GABRB3: variants seen among roughly 807,000 people sequenced by gnomAD.
GABRB3 encodes the protein gamma-aminobutyric acid receptor subunit beta-3.
A neutral mutation model predicts 52.1 loss-of-function variants in GABRB3; 14 were observed. That is an observed-to-expected ratio of 0.27 (90% CI 0.18 to 0.42). The LOEUF is 0.42. Ranked by LOEUF, GABRB3 falls within the 10% of genes least tolerant of loss-of-function variation. The pLI is 1.00. For missense variants in GABRB3, 307 were observed against 609.1 expected (o/e 0.50, Z 5.22); for synonymous variants, 260 against 232.3 (o/e 1.12, Z -1.08).
intron 8 of GABRB3, among the ~76,000 whole-genome samples, chr15:26,558,119 G>C (rs1472735795): frequency 6.6e-6 from 1 of 152,212 alleles, no homozygotes; most frequent in Non-Finnish European, 1.5e-5. Context: ...AGTTTCCTTG[G>C]AAACAGCATG....
intron 4 of GABRB3, among the ~76,000 whole-genome samples, chr15:26,617,034 G>A (rs527832759): frequency 1.2e-4 from 19 of 152,192 alleles, no homozygotes; most frequent in African/African-American, 4.3e-4. Flanking sequence ...AAACCAGGAA[G>A]AAGTTGAATC....
intron 8 of GABRB3, among the ~76,000 whole-genome samples, chr15:26,551,922 T>C (rs1469834180): frequency 2.6e-5 from 4 of 152,078 alleles, no homozygotes; most frequent in African/African-American, 7.2e-5. Flanking sequence ...GGCATTTTCT[T>C]ATATTTTTTA....
At chr15:26,549,786 A>T (rs1485925397) in intron 8 of GABRB3, among the ~76,000 whole-genome samples, 1 of 152,028 alleles carries the variant, frequency 6.6e-6, no homozygotes, top group Non-Finnish European at 1.5e-5. Flanking sequence ...GCATCACCTC[A>T]TTGCAAGATC....
intron 3 of GABRB3, among the ~76,000 whole-genome samples, chr15:26,753,104 A>G (rs1890561271): frequency 6.6e-6 from 1 of 152,108 alleles, no homozygotes; most frequent in Non-Finnish European, 1.5e-5. Flanking sequence ...CTAACTTCTG[A>G]GCTAACTTCT....
chr15:26,676,521 G>C lies in GABRB3; in HGVS notation c.241-54987C>G, dbSNP rs1011768890. ...ACACATATACACACACAGGTGCACAGGGGCAGAACTGCCATTTCTTTATAA... is the reference window on the plus strand; with the variant it reads ...ACACATATACACACACAGGTGCACACGGGCAGAACTGCCATTTCTTTATAA... On this transcript the variant is annotated intron_variant, in intron 3 of 8. Transcript: ENST00000311550. Among the ~76,000 whole-genome samples, 5 of 152,280 alleles carry C rather than the reference G, an allele frequency of 3.3e-5. No individual in the cohort carries two copies. The East Asian group carries it at 9.7e-4, about 30-fold the overall frequency.
At chr15:26,761,476 G>A (rs1028526226) in intron 3 of GABRB3, among the ~76,000 whole-genome samples, 1 of 148,434 alleles carries the variant, frequency 6.7e-6, no homozygotes, top group African/African-American at 2.4e-5. Flanking sequence ...TTCATCACTA[G>A]AATCTTTCAT....
At chr15:26,571,335 CCTCT>C (rs1890386662) in intron 6 of GABRB3, among the ~76,000 whole-genome samples, 1 of 152,264 alleles carries the variant, frequency 6.6e-6, no homozygotes, top group African/African-American at 2.4e-5. Flanking sequence ...CACTTAGCTC[CCTCT>C]GTCTGCAACA....
At position 26,628,075 on chromosome 15, in the gene GABRB3, T is replaced by C. The variant is rs569814151; in HGVS notation, c.241-6541A>G. 5.3e-4 allele frequency among the ~76,000 whole-genome samples: 80 copies of C among 152,358 alleles called. 1 individual carries two copies. The Middle Eastern group carries it at 0.014, about 26-fold the overall frequency. ...ATGACTCACTGAAGGCTCAGATGAT[T>C]GTTAGCACTTTCAGCAATACAGTAT... On this transcript the variant is annotated intron_variant, in intron 3 of 8. Transcript: ENST00000311550.
At chr15:26,587,619 A>T (rs1243610280) in intron 4 of GABRB3, among the ~76,000 whole-genome samples, 1 of 152,058 alleles carries the variant, frequency 6.6e-6, no homozygotes, top group Non-Finnish European at 1.5e-5. Flanking sequence ...CTCTCCAGGG[A>T]GCAGCTTCTC....
intron 3 of GABRB3, among the ~76,000 whole-genome samples, chr15:26,643,259 C>T (rs1863457): frequency 2.6e-5 from 4 of 151,984 alleles, no homozygotes; most frequent in African/African-American, 7.3e-5. Flanking sequence ...CCCATCCTGG[C>T]GGCCAGGTGC....
chr15:26,674,397 T>A (rs12914698), intron 3 of GABRB3, among the ~76,000 whole-genome samples: 88,599 of 118,416 alleles, frequency 0.75, 31,735 homozygotes, highest in Admixed American at 0.82. Flanking sequence ...CGAGACTCAG[T>A]TTCAAAAAAA....
At chr15:26,644,234 C>T (rs1893289067) in intron 3 of GABRB3, among the ~76,000 whole-genome samples, 1 of 152,198 alleles carries the variant, frequency 6.6e-6, no homozygotes, top group African/African-American at 2.4e-5. Context: ...AGTCTTCCTG[C>T]TACATGGAAA....
At chr15:26,575,778 T>C (rs1353957369) in intron 6 of GABRB3, among the ~76,000 whole-genome samples, 9 of 152,238 alleles carry the variant, frequency 5.9e-5, no homozygotes. Context: ...GTCTCATCAT[T>C]ATTCATTTTG....
intron 3 of GABRB3, among the ~76,000 whole-genome samples, chr15:26,696,611 G>T (rs1028623464): frequency 2.0e-5 from 3 of 152,122 alleles, no homozygotes; most frequent in Non-Finnish European, 4.4e-5. Context: ...CTTGACACTG[G>T]ATCAACAGTT....
intron 3 of GABRB3, among the ~76,000 whole-genome samples, chr15:26,767,502 A>G (rs1004320019): frequency 2.6e-5 from 4 of 152,204 alleles, no homozygotes; most frequent in Non-Finnish European, 2.9e-5. Flanking sequence ...TCCCCACACA[A>G]TGGGCATCTG....
In GABRB3 at chr15:26,732,256, AGATG is replaced by A. The variant is rs71130266; in HGVS notation, c.240+40142_240+40145del. On this transcript the variant is annotated intron_variant, in intron 3 of 8. Coordinates refer to ENST00000311550, the MANE Select transcript of GABRB3 (RefSeq NM_000814.6). ...TGGACAGATGGATGGATGGATGAAT[AGATG>A]GATGGATGGATGGATGAATAGATGG... 9.4e-4 allele frequency among the ~76,000 whole-genome samples: 135 copies of A among 144,240 alleles called. 2 individuals are homozygous for A. In the East Asian group the frequency reaches 0.02, roughly 21 times the overall value. The allele number at this position is 144,240 out of a possible 152,430, so 94.6% of individuals were successfully genotyped here. A position where few individuals can be genotyped will look rare whatever the true frequency, so the allele number is the denominator to read the frequency against.
chr15:26,654,843 T>G (rs1340106099), intron 3 of GABRB3, among the ~76,000 whole-genome samples: 2 of 152,098 alleles, frequency 1.3e-5, no homozygotes, highest in African/African-American at 2.4e-5. Flanking sequence ...TAGTTTTGCC[T>G]TTTTTGGAGA....
intron 3 of GABRB3, among the ~76,000 whole-genome samples, chr15:26,730,326 G>A (rs1656133314): frequency 6.6e-6 from 1 of 151,670 alleles, no homozygotes; most frequent in Admixed American, 6.6e-5. Flanking sequence ...GCTGAGGCAG[G>A]AGAATGGCGT....
chr15:26,655,922 CATT>C (rs1411079698), intron 3 of GABRB3, among the ~76,000 whole-genome samples: 1 of 152,078 alleles, frequency 6.6e-6, no homozygotes, highest in East Asian at 1.9e-4. Context: ...TAATCTGCAT[CATT>C]GTTTTTTTGA....
Sources: allele counts gnomAD v4.1 joint callset (sites outside exome capture counted in the v4.1 genomes callset), GRCh38; gene constraint gnomAD v4.1.1; transcripts MANE v1.5; gene names NCBI Gene and HGNC (gene_info 2026-07-23, HGNC 2026-07-21).